The following RICTOR variants were observed in gnomAD, a reference collection of about 807,000 sequenced individuals.
RICTOR encodes the protein RPTOR independent companion of MTOR complex 2, also known as rapamycin-insensitive companion of mTOR.
In RICTOR, 49 loss-of-function variants were observed where a neutral mutation model predicts 214.9. The ratio of observed to expected loss-of-function variants is 0.23; its 90% confidence interval spans 0.18 to 0.29. RICTOR has a LOEUF of 0.29. RICTOR is among the 10% of genes least tolerant of loss of function. The pLI is 1.00. For synonymous variants in RICTOR, 717 were observed against 711.3 expected, an observed-to-expected ratio of 1.01 and a Z score of -0.13; for missense variants, 1,625 against 2,047.0, an observed-to-expected ratio of 0.79 and a Z score of 3.98.
chr5:39,049,106 G>A (rs1236474674), intron 2 of RICTOR, among the ~76,000 whole-genome samples: 1 of 151,976 alleles, frequency 6.6e-6, no homozygotes, highest in Non-Finnish European at 1.5e-5. Flanking sequence ...ATTTAAAGTA[G>A]CCCTTGGTCT....
rs1194062811 is a variant in RICTOR, at chr5:38,962,919, C to A, written c.1523G>T (p.Arg508Leu). 6.2e-7 allele frequency: 1 copy of A among 1,612,812 alleles called. No homozygotes were observed. Among genetic ancestry groups the A allele is most frequent in the African/African-American group, 1.3e-5 (1 of 74,960 alleles). Residue 508 changes from arginine (R) to leucine (L), a missense_variant, in exon 17 of 38, where the codon CGG (arginine) becomes CTG (leucine). Transcript: ENST00000357387. ...IQKAIATHQK[R>L]DQYLRVQKDI... ...TTTCTGAACTCGGAGATACTGATCC[C>A]GTTTCTGGTGTGTTGCAATTGCTTT... is the stretch of plus-strand genomic sequence containing the variant.
At chr5:39,054,361 A>G (rs1010243395) in intron 2 of RICTOR, among the ~76,000 whole-genome samples, 2 of 152,204 alleles carry the variant, frequency 1.3e-5, no homozygotes, top group South Asian at 2.1e-4. Context: ...TTAAAGTTGA[A>G]TAAGGGGAAA....
chr5:39,072,770 T>C (rs909889171), intron 2 of RICTOR, among the ~76,000 whole-genome samples: 1 of 152,212 alleles, frequency 6.6e-6, no homozygotes, highest in East Asian at 1.9e-4. Context: ...AATTAGTGCA[T>C]TGATAATCTA....
chr5:38,982,269 T>A (rs1338740774), intron 7 of RICTOR, among the ~76,000 whole-genome samples: 1 of 152,200 alleles, frequency 6.6e-6, no homozygotes, highest in Non-Finnish European at 1.5e-5. Context: ...TTTGTCCATA[T>A]AATAACGGAA....
chr5:38,967,012 G>A, intron 14 of RICTOR, 149 bp downstream of exon 14: 1 of 699,088 alleles, frequency 1.4e-6, no homozygotes, highest in Non-Finnish European at 2.6e-6. Context: ...TGTTGGTCAG[G>A]CTGGTCTCGA....
intron 14 of RICTOR, 59 bp downstream of exon 14, chr5:38,967,102 G>T (rs1192402587): frequency 2.3e-6 from 3 of 1,327,284 alleles, no homozygotes; most frequent in Non-Finnish European, 3.3e-6. Flanking sequence ...CACCTGGCAT[G>T]AAAGAATCTG....
intron 9 of RICTOR, among the ~76,000 whole-genome samples, chr5:38,977,190 G>T (rs1751311920): frequency 6.6e-6 from 1 of 152,126 alleles, no homozygotes; most frequent in Non-Finnish European, 1.5e-5. Context: ...TAAAGAAAAA[G>T]GCATAGCAGT....
intron 3 of RICTOR, among the ~76,000 whole-genome samples, chr5:39,004,034 T>C (rs901521649): frequency 9.9e-5 from 15 of 152,194 alleles, no homozygotes; most frequent in Admixed American, 7.9e-4. Flanking sequence ...CATTTCACTT[T>C]ACAATTGTTT....
rs577639946 is a variant in RICTOR, at chr5:38,943,761, C to T, written c.4913+685G>A. Among the ~76,000 whole-genome samples, 29 of 152,050 alleles carry T rather than the reference C, an allele frequency of 1.9e-4. No individual in the cohort carries two copies. The Middle Eastern group carries it at 0.01, about 54-fold the overall frequency. Reference sequence around the variant, plus strand: ...CCGGGAGGCAGAGGTTGCAGTGAGCCGAGATTGCACCACTGCACTCCAGCC... The same window carrying T: ...CCGGGAGGCAGAGGTTGCAGTGAGCTGAGATTGCACCACTGCACTCCAGCC... On this transcript the variant is annotated intron_variant, in intron 36 of 37. Transcript: ENST00000357387.
At chr5:39,040,585 A>G (rs1409315967) in intron 2 of RICTOR, among the ~76,000 whole-genome samples, 2 of 152,132 alleles carry the variant, frequency 1.3e-5, no homozygotes, top group African/African-American at 2.4e-5. Flanking sequence ...TTAAAATTAA[A>G]TTTTAAACAA....
At chr5:39,056,393 G>T (rs1432493366) in intron 2 of RICTOR, among the ~76,000 whole-genome samples, 2 of 152,120 alleles carry the variant, frequency 1.3e-5, no homozygotes, top group East Asian at 3.9e-4. Context: ...CAGCACTTTT[G>T]GGGGGCCAAG....
At position 39,050,718 on chromosome 5, in the gene RICTOR, T is replaced by C. The variant is rs115319242; in HGVS notation, c.97+23393A>G. Among the ~76,000 whole-genome samples, 465 of 152,248 alleles carry C rather than the reference T, an allele frequency of 3.1e-3. 3 individuals carry two copies. The highest frequency in any genetic ancestry group is 0.011 in the African/African-American group (438 of 41,532). ...TTTAAAATTCCGTATCCCTTAGAAA[T>C]ACATACTGATGATCTGCAATGAAAT... is the stretch of plus-strand genomic sequence containing the variant. On this transcript the variant is annotated intron_variant, in intron 2 of 37. Transcript: ENST00000357387.
At chr5:39,036,802 C>T (rs1458920308) in intron 2 of RICTOR, among the ~76,000 whole-genome samples, 1 of 152,112 alleles carries the variant, frequency 6.6e-6, no homozygotes, top group East Asian at 1.9e-4. Flanking sequence ...TACAGGAGCA[C>T]CCAGATTCAT....
chr5:39,055,552 A>T (rs942157538), intron 2 of RICTOR, among the ~76,000 whole-genome samples: 1 of 151,836 alleles, frequency 6.6e-6, no homozygotes, highest in Non-Finnish European at 1.5e-5. Flanking sequence ...GGGACTCAAT[A>T]TATTTTTTTC....
chr5:39,001,134 T>C (rs2150102244), intron 5 of RICTOR, among the ~76,000 whole-genome samples: 1 of 152,136 alleles, frequency 6.6e-6, no homozygotes, highest in Admixed American at 6.5e-5. Context: ...AGAACCCAGA[T>C]TAGTCAAAAT....
chr5:38,960,803 C>T (rs973489052), intron 19 of RICTOR, among the ~76,000 whole-genome samples: 1 of 152,018 alleles, frequency 6.6e-6, no homozygotes, highest in African/African-American at 2.4e-5. Flanking sequence ...GGGGCGGTTA[C>T]CCTTATGCTG....
intron 2 of RICTOR, among the ~76,000 whole-genome samples, chr5:39,032,638 C>T (rs1352584405): frequency 6.6e-6 from 1 of 152,128 alleles, no homozygotes; most frequent in Non-Finnish European, 1.5e-5. Context: ...AAGACAGACA[C>T]AAGAATACAG....
At chr5:38,976,580 T>A (rs1214538487) in intron 9 of RICTOR, among the ~76,000 whole-genome samples, 1 of 152,190 alleles carries the variant, frequency 6.6e-6, no homozygotes, top group Non-Finnish European at 1.5e-5. Flanking sequence ...CAGACACCTG[T>A]GTGATTAAGC....
intron 2 of RICTOR, among the ~76,000 whole-genome samples, chr5:39,034,550 G>A (rs1320795466): frequency 6.6e-6 from 1 of 152,238 alleles, no homozygotes; most frequent in Non-Finnish European, 1.5e-5. Context: ...AGGGGTCAGG[G>A]AATTCCCTTT....
Sources: gnomAD v4.1 joint callset for allele counts (sites outside exome capture counted in the v4.1 genomes callset) on GRCh38, gnomAD v4.1.1 for gene constraint, MANE v1.5 for transcripts, NCBI Gene and HGNC (gene_info 2026-07-23, HGNC 2026-07-21) for gene names.